The following PIP5K1B variants were observed in gnomAD, a reference collection of about 807,000 sequenced individuals.
PIP5K1B encodes the protein phosphatidylinositol-4-phosphate 5-kinase type 1 beta, also known as phosphatidylinositol 4-phosphate 5-kinase type-1 beta.
A neutral mutation model predicts 67.0 loss-of-function variants in PIP5K1B; 42 were observed. The observed-to-expected ratio is 0.63, with a 90% CI of 0.49 to 0.81. The LOEUF is 0.81. PIP5K1B is among the 30% of genes least tolerant of loss of function. The pLI is 0.00. For missense variants in PIP5K1B, 459 were observed against 646.3 expected, an observed-to-expected ratio of 0.71 and a Z score of 3.14; for synonymous variants, 214 against 231.4, an observed-to-expected ratio of 0.92 and a Z score of 0.68.
chr9:68,911,398 TG>T (rs1825845121), intron 8 of PIP5K1B, among the ~76,000 whole-genome samples: 1 of 142,228 alleles, frequency 7.0e-6, no homozygotes, highest in Non-Finnish European at 1.5e-5. Flanking sequence ...AAAAAAAGAA[TG>T]GGAAACTGAA....
At chr9:68,865,381 GA>G (rs1176776345) in intron 5 of PIP5K1B, among the ~76,000 whole-genome samples, 1 of 151,898 alleles carries the variant, frequency 6.6e-6, no homozygotes, top group Non-Finnish European at 1.5e-5. Flanking sequence ...CTTTTGGTAT[GA>G]TTTTTTTAGG....
intron 4 of PIP5K1B, among the ~76,000 whole-genome samples, chr9:68,845,742 A>G (rs749444094): frequency 6.6e-6 from 1 of 152,230 alleles, no homozygotes; most frequent in African/African-American, 2.4e-5. Flanking sequence ...GGAAAATAGC[A>G]TCTTGACTAC....
chr9:68,786,662 G>A (rs1831636468), intron 2 of PIP5K1B, among the ~76,000 whole-genome samples: 1 of 151,708 alleles, frequency 6.6e-6, no homozygotes, highest in Non-Finnish European at 1.5e-5. Context: ...AAATTAAAGT[G>A]TATAGAAGGA....
intron 2 of PIP5K1B, among the ~76,000 whole-genome samples, chr9:68,808,406 C>T (rs1376833681): frequency 6.6e-6 from 1 of 151,528 alleles, no homozygotes; most frequent in African/African-American, 2.4e-5. Context: ...CTCCCAGCTT[C>T]CCCACCACCC....
At chr9:68,742,333 A>C (rs1251606490) in intron 1 of PIP5K1B, 168 bp from the exon 2 acceptor site, 26 of 152,214 alleles carry the variant, frequency 1.7e-4, no homozygotes. Context: ...ACACAAAATT[A>C]TCTTTAAATA....
intron 2 of PIP5K1B, among the ~76,000 whole-genome samples, chr9:68,756,772 G>A (rs1029664082): frequency 1.3e-5 from 2 of 152,030 alleles, no homozygotes; most frequent in Middle Eastern, 3.2e-3. Flanking sequence ...AGCATTGTCT[G>A]ATACAAATAT....
At chr9:68,917,226 A>G (rs963978377) in intron 8 of PIP5K1B, among the ~76,000 whole-genome samples, 1 of 152,218 alleles carries the variant, frequency 6.6e-6, no homozygotes, top group Non-Finnish European at 1.5e-5. Flanking sequence ...TTGAGATTGA[A>G]TGCAAATGAG....
chr9:68,758,125 C>G (rs1467239048), intron 2 of PIP5K1B, among the ~76,000 whole-genome samples: 1 of 152,134 alleles, frequency 6.6e-6, no homozygotes, highest in Non-Finnish European at 1.5e-5. Context: ...CGACAATTGC[C>G]TGCTAAGACA....
At chr9:68,825,471 A>C (rs1422784143) in intron 4 of PIP5K1B, among the ~76,000 whole-genome samples, 2 of 152,208 alleles carry the variant, frequency 1.3e-5, no homozygotes, top group African/African-American at 2.4e-5. Flanking sequence ...AATGACAAAA[A>C]AATTGTAAAT....
At chr9:68,885,200 C>G (rs1438020518) in intron 6 of PIP5K1B, among the ~76,000 whole-genome samples, 1 of 152,068 alleles carries the variant, frequency 6.6e-6, no homozygotes, top group Non-Finnish European at 1.5e-5. Flanking sequence ...CTGAAAGGAG[C>G]CAGGCACAGA....
chr9:68,914,278 C>T (rs563574037), intron 8 of PIP5K1B, among the ~76,000 whole-genome samples: 1 of 152,254 alleles, frequency 6.6e-6, no homozygotes, highest in East Asian at 1.9e-4. Flanking sequence ...CTTGACCACT[C>T]CTAACTTGAG....
At chr9:68,778,441 A>G (rs1831034245) in intron 2 of PIP5K1B, among the ~76,000 whole-genome samples, 1 of 152,146 alleles carries the variant, frequency 6.6e-6, no homozygotes. Context: ...CTACCATCTC[A>G]CCAGTTTAAA....
intron 8 of PIP5K1B, among the ~76,000 whole-genome samples, chr9:68,896,668 T>C (rs1362064976): frequency 6.6e-6 from 1 of 151,916 alleles, no homozygotes; most frequent in African/African-American, 2.4e-5. Flanking sequence ...GGTATGGGAG[T>C]GTGTAAATGC....
At chr9:68,758,474 AACTC>A (rs1830040070) in intron 2 of PIP5K1B, among the ~76,000 whole-genome samples, 2 of 152,156 alleles carry the variant, frequency 1.3e-5, no homozygotes, top group African/African-American at 4.8e-5. Context: ...CAATTCTTAA[AACTC>A]ACTAAGTAGG....
chr9:68,954,033 A>C (rs138231604), intron 14 of PIP5K1B, among the ~76,000 whole-genome samples: 3 of 151,762 alleles, frequency 2.0e-5, no homozygotes, highest in African/African-American at 7.3e-5. Context: ...TTTTACCTCA[A>C]TTGCTTCTGG....
chr9:68,730,034 A>G (rs897781065), intron 1 of PIP5K1B, among the ~76,000 whole-genome samples: 64 of 152,184 alleles, frequency 4.2e-4, no homozygotes, highest in African/African-American at 1.4e-3. Flanking sequence ...AACCATAATA[A>G]TTCATAACAA....
At chr9:68,854,201 G>A (rs529508040) in intron 4 of PIP5K1B, among the ~76,000 whole-genome samples, 59 of 146,092 alleles carry the variant, frequency 4.0e-4, no homozygotes, top group African/African-American at 1.4e-3. Flanking sequence ...CACAATCACA[G>A]CTCGCTACAA....
At chr9:68,726,440 T>A (rs1828152872) in intron 1 of PIP5K1B, among the ~76,000 whole-genome samples, 1 of 152,204 alleles carries the variant, frequency 6.6e-6, no homozygotes, top group South Asian at 2.1e-4. Context: ...ATTGGATTTA[T>A]AATAAGAGCC....
intron 8 of PIP5K1B, among the ~76,000 whole-genome samples, chr9:68,904,801 A>G (rs1375174136): frequency 6.6e-6 from 1 of 151,964 alleles, no homozygotes; most frequent in East Asian, 1.9e-4. Flanking sequence ...GTATTATCAA[A>G]ATTTCTATAG....
Sources: allele counts gnomAD v4.1 joint callset (sites outside exome capture counted in the v4.1 genomes callset), GRCh38; gene constraint gnomAD v4.1.1; transcripts MANE v1.5; gene names NCBI Gene and HGNC (gene_info 2026-07-23, HGNC 2026-07-21).